ITPKB: variants seen among roughly 807,000 people sequenced by gnomAD.
The protein encoded by ITPKB is inositol-trisphosphate 3-kinase B, also known as IP3 3-kinase B.
A neutral mutation model predicts 69.4 loss-of-function variants in ITPKB; 13 were observed. The observed-to-expected ratio is 0.19, with a 90% CI of 0.12 to 0.30. ITPKB has a LOEUF of 0.30. Among genes scored for constraint, ITPKB ranks in the 10% least tolerant of loss-of-function variants. ITPKB has a pLI of 1.00. For synonymous variants in ITPKB, 584 were observed against 513.7 expected, an observed-to-expected ratio of 1.14 and a Z score of -1.85; for missense variants, 1,240 against 1,250.5, an observed-to-expected ratio of 0.99 and a Z score of 0.13.
chr1:226,690,913 A>G (rs1277093602), intron 2 of ITPKB, among the ~76,000 whole-genome samples: 2 of 152,238 alleles, frequency 1.3e-5, no homozygotes, highest in Non-Finnish European at 2.9e-5. Context: ...GACACATGCT[A>G]CAACAGGGAT....
At chr1:226,639,402 C>A (rs1668905856) in intron 6 of ITPKB, among the ~76,000 whole-genome samples, 155 bp downstream of exon 6, 1 of 152,202 alleles carries the variant, frequency 6.6e-6, no homozygotes, top group East Asian at 1.9e-4. Context: ...CCACAAAAGT[C>A]TCTGCCAGTG....
At chr1:226,726,670 T>C (rs527657729) in intron 2 of ITPKB, among the ~76,000 whole-genome samples, 1 of 152,126 alleles carries the variant, frequency 6.6e-6, no homozygotes, top group African/African-American at 2.4e-5. Flanking sequence ...AGTGAGACTC[T>C]GTCTCAAATT....
chr1:226,652,674 G>T (rs754060630), intron 2 of ITPKB, among the ~76,000 whole-genome samples: 3 of 152,190 alleles, frequency 2.0e-5, no homozygotes, highest in African/African-American at 4.8e-5. Flanking sequence ...AAGGGTACCT[G>T]GTCCCCTGCC....
intron 2 of ITPKB, among the ~76,000 whole-genome samples, chr1:226,665,663 A>AC (rs1215063805): frequency 6.6e-6 from 1 of 152,038 alleles, no homozygotes; most frequent in African/African-American, 2.4e-5. Flanking sequence ...TTTCTAAACC[A>AC]CCCAGCCCCA....
chr1:226,661,555 A>G (rs1669402214), intron 2 of ITPKB, among the ~76,000 whole-genome samples: 1 of 152,200 alleles, frequency 6.6e-6, no homozygotes, highest in African/African-American at 2.4e-5. Context: ...ATAAACTGAG[A>G]TTTAGATCCT....
intron 2 of ITPKB, among the ~76,000 whole-genome samples, chr1:226,712,907 C>A (rs543374097): frequency 2.0e-5 from 3 of 152,094 alleles, no homozygotes; most frequent in Non-Finnish European, 1.5e-5. Context: ...TGGTCAGTAA[C>A]GCTCACGCAG....
intron 2 of ITPKB, among the ~76,000 whole-genome samples, chr1:226,651,659 C>T (rs1049374848): frequency 6.6e-6 from 1 of 152,178 alleles, no homozygotes; most frequent in African/African-American, 2.4e-5. Context: ...GAGCCTGTGA[C>T]CCAGGAAGGT....
chr1:226,735,382 G>A, intron 2 of ITPKB, 145 bp downstream of exon 2: 1 of 890,630 alleles, frequency 1.1e-6, no homozygotes, highest in Non-Finnish European at 1.6e-6. Flanking sequence ...AACACACCTG[G>A]ACAGAATTAT....
chr1:226,733,153 A>AGCATGTGTGAGG (rs767585961), intron 2 of ITPKB, among the ~76,000 whole-genome samples: 2 of 152,066 alleles, frequency 1.3e-5, no homozygotes, highest in Non-Finnish European at 1.5e-5. Context: ...GGTAAGTGTG[A>AGCATGTGTGAGG]GCATGTGTGA....
At chr1:226,703,274 C>G (rs1475102676) in intron 2 of ITPKB, among the ~76,000 whole-genome samples, 1 of 152,204 alleles carries the variant, frequency 6.6e-6, no homozygotes, top group African/African-American at 2.4e-5. Flanking sequence ...AAAGCCTGCA[C>G]CAAGGGACCC....
At position 226,634,970 on chromosome 1, in the gene ITPKB, G is replaced by T. The variant is rs1386801531; in HGVS notation, c.2626-84C>A. 14 of 1,048,620 alleles carry T rather than the reference G, an allele frequency of 1.3e-5. No homozygotes were observed. The highest frequency in any genetic ancestry group is 1.8e-5 in the Non-Finnish European group (13 of 710,926). The allele number at this position is 1,048,620 out of a possible 1,614,324, so 65.0% of individuals were successfully genotyped here. ...CGGCCCGGGGCCTGGGTGACCAGGT[G>T]GGGAGGCTCGCTCAGGCCGGACAGT... is the stretch of plus-strand genomic sequence containing the variant. On this transcript the variant is annotated intron_variant, in intron 7 of 7. Coordinates refer to ENST00000429204, the MANE Select transcript of ITPKB (RefSeq NM_002221.4). This position sits in a 1 kb window ranked among gnomAD's most constrained non-coding sequence, Gnocchi z 6.3.
At position 226,637,133 on chromosome 1, in the gene ITPKB, G is replaced by T. The variant is rs988326050; in HGVS notation, c.2625+546C>A. ...TGGGGACCTGGACTCCCCATGTCAG[G>T]GTCTCACACCCCTCCAGGGAACCTG... On this transcript the variant is annotated intron_variant, in intron 7 of 7. Transcript: ENST00000429204. This position sits in a 1 kb window ranked among gnomAD's most constrained non-coding sequence, Gnocchi z 4.3. Among the ~76,000 whole-genome samples, 4 of 152,066 alleles carry T rather than the reference G, an allele frequency of 2.6e-5. No homozygotes were observed. Among genetic ancestry groups the T allele is most frequent in the Non-Finnish European group, 5.9e-5 (4 of 67,996 alleles).
intron 2 of ITPKB, among the ~76,000 whole-genome samples, chr1:226,683,496 A>G (rs1384158521): frequency 6.6e-6 from 1 of 152,108 alleles, no homozygotes; most frequent in Non-Finnish European, 1.5e-5. Context: ...ATTTGAACCC[A>G]TGTATATGTA....
intron 2 of ITPKB, among the ~76,000 whole-genome samples, chr1:226,667,851 TGTGCGC>T (rs1210426597): frequency 6.6e-6 from 1 of 150,998 alleles, no homozygotes; most frequent in Admixed American, 6.6e-5. Context: ...TGTGTGTGTG[TGTGCGC>T]GCGCGCGTGC....
Position 226,736,058 on chromosome 1 carries a change from C to T in ITPKB, c.1401G>A (p.Glu467=), listed in dbSNP as rs772152768. Residue 467 remains glutamate (E), a synonymous_variant, in exon 2 of 8, where the codon GAG becomes GAA. Transcript: ENST00000429204. ...GCATTCTGCCAGAAGGAATTCCCGC[C>T]TCCACATTCCCGGTCCCCGGCTGTG... The part of the protein sequence containing the change: ...PSAQPGTGNV[E]AGIPSGRMLE... 1 of 1,613,348 alleles carries T rather than the reference C, an allele frequency of 6.2e-7. No homozygotes were observed. Among genetic ancestry groups the T allele is most frequent in the South Asian group, 1.1e-5 (1 of 91,076 alleles).
At chr1:226,732,081 G>A (rs1017952601) in intron 2 of ITPKB, among the ~76,000 whole-genome samples, 12 of 47,816 alleles carry the variant, frequency 2.5e-4, no homozygotes, top group Admixed American at 6.6e-4. Flanking sequence ...AAAAAAAAAA[G>A]ACAACAAAAC....
intron 2 of ITPKB, among the ~76,000 whole-genome samples, chr1:226,655,071 G>A (rs1471521777): frequency 6.6e-6 from 1 of 151,156 alleles, no homozygotes; most frequent in Non-Finnish European, 1.5e-5. Context: ...AGAGGAGGTG[G>A]GGAGGAGGGG....
intron 2 of ITPKB, among the ~76,000 whole-genome samples, chr1:226,666,580 A>C (rs904070643): frequency 9.2e-5 from 14 of 152,300 alleles, no homozygotes; most frequent in African/African-American, 2.9e-4. Context: ...GGGACAGCTA[A>C]GGCGATTCTG....
chr1:226,644,682 G>A (rs1477907924), intron 4 of ITPKB, among the ~76,000 whole-genome samples: 6 of 152,200 alleles, frequency 3.9e-5, no homozygotes, highest in Non-Finnish European at 7.3e-5. Flanking sequence ...TTCTGCCCCC[G>A]CCATGCCCAG....
Sources: gnomAD v4.1 joint callset for allele counts (sites outside exome capture counted in the v4.1 genomes callset) on GRCh38, gnomAD v4.1.1 for gene constraint, Gnocchi (gnomAD v3.1) non-coding constraint, MANE v1.5 for transcripts, NCBI Gene and HGNC (gene_info 2026-07-23, HGNC 2026-07-21) for gene names.